The following CACNA2D1 variants were observed in gnomAD, a reference collection of about 807,000 sequenced individuals.
CACNA2D1 encodes the protein calcium voltage-gated channel auxiliary subunit alpha2delta 1, also known as voltage-dependent calcium channel subunit alpha-2/delta-1.
A neutral mutation model predicts 171.5 loss-of-function variants in CACNA2D1; 53 were observed. That is an observed-to-expected ratio of 0.31 (90% CI 0.25 to 0.39). The LOEUF (loss-of-function observed/expected upper bound fraction) is 0.39. Among genes scored for constraint, CACNA2D1 ranks in the 10% least tolerant of loss-of-function variants. The probability of loss-of-function intolerance (pLI) is 1.00; values close to 1 mark genes in which losing one functional copy is unlikely to be tolerated. For synonymous variants in CACNA2D1, 442 were observed against 443.1 expected (o/e 1.00, Z 0.03); for missense variants, 903 against 1,299.8 (o/e 0.69, Z 4.69).
At chr7:82,144,888 C>T (rs17155920) in intron 4 of CACNA2D1, among the ~76,000 whole-genome samples, 27,061 of 151,668 alleles carry the variant, frequency 0.18, 3,030 homozygotes, top group East Asian at 0.4. Flanking sequence ...ATTTTGCTAG[C>T]GTGGTTCAAT....
intron 9 of CACNA2D1, among the ~76,000 whole-genome samples, chr7:82,063,572 T>TTC (rs1554384762): frequency 6.6e-6 from 1 of 151,538 alleles, no homozygotes; most frequent in African/African-American, 2.4e-5. Flanking sequence ...TTTTTTTTTT[T>TTC]CCTCAGGGAA....
intron 4 of CACNA2D1, among the ~76,000 whole-genome samples, chr7:82,146,934 G>C (rs1012445986): frequency 2.4e-5 from 3 of 127,592 alleles, no homozygotes; most frequent in African/African-American, 5.9e-5. Context: ...GCAGTGAGCC[G>C]AGTCAGCACC....
At chr7:82,335,067 G>T in intron 3 of CACNA2D1, 68 bp downstream of exon 3, 1 of 1,007,434 alleles carries the variant, frequency 9.9e-7, no homozygotes, top group Non-Finnish European at 1.6e-6. Flanking sequence ...CCCCTCAATA[G>T]AGCATGAAAA....
At chr7:82,346,266 A>C (rs1396196188) in intron 2 of CACNA2D1, among the ~76,000 whole-genome samples, 1 of 152,184 alleles carries the variant, frequency 6.6e-6, no homozygotes, top group Non-Finnish European at 1.5e-5. Context: ...TATCTTTGTC[A>C]TACTGGCCCA....
intron 3 of CACNA2D1, among the ~76,000 whole-genome samples, chr7:82,262,456 G>T (rs1400744733): frequency 6.6e-6 from 1 of 152,122 alleles, no homozygotes; most frequent in East Asian, 1.9e-4. Context: ...GATAAACAGA[G>T]AAAGCTTTAG....
chr7:82,165,475 T>C (rs1406057881), intron 4 of CACNA2D1, among the ~76,000 whole-genome samples: 1 of 152,082 alleles, frequency 6.6e-6, no homozygotes, highest in Non-Finnish European at 1.5e-5. Flanking sequence ...ATATTTTGCT[T>C]CTTTTCAATA....
chr7:82,064,278 T>C (rs754161542), intron 9 of CACNA2D1, 26 bp downstream of exon 9: 2 of 1,475,422 alleles, frequency 1.4e-6, no homozygotes, highest in Admixed American at 3.4e-5. Context: ...TCTCAATATA[T>C]AAATAAGTAG....
chr7:81,950,660 C>T, intron 38 of CACNA2D1, 152 bp from the exon 39 acceptor site: 1 of 1,163,512 alleles, frequency 8.6e-7, no homozygotes, highest in East Asian at 2.6e-5. Flanking sequence ...AAAGAAATTA[C>T]TTTCTCCTAG....
At chr7:82,088,478 CAA>C (rs2129015725) in intron 6 of CACNA2D1, among the ~76,000 whole-genome samples, 1 of 152,174 alleles carries the variant, frequency 6.6e-6, no homozygotes, top group South Asian at 2.1e-4. Flanking sequence ...CAAAATTCAA[CAA>C]AAAGTTTCAT....
intron 3 of CACNA2D1, among the ~76,000 whole-genome samples, chr7:82,282,480 C>T (rs1056253576): frequency 6.6e-6 from 1 of 152,046 alleles, no homozygotes; most frequent in Non-Finnish European, 1.5e-5. Flanking sequence ...CATGGGTTGA[C>T]CCCTTTGAGA....
chr7:82,349,031 A>T (rs1262224752), intron 2 of CACNA2D1, among the ~76,000 whole-genome samples: 1 of 152,194 alleles, frequency 6.6e-6, no homozygotes, highest in Non-Finnish European at 1.5e-5. Context: ...TTCATAAGTC[A>T]CAAGAAAAAT....
chr7:81,995,403 C>A (rs960325151), intron 19 of CACNA2D1, among the ~76,000 whole-genome samples: 1 of 151,692 alleles, frequency 6.6e-6, no homozygotes, highest in African/African-American at 2.4e-5. Context: ...ATCTGGGTAC[C>A]AAAAAAATCT....
At chr7:82,044,580 T>G (rs1804333007) in intron 10 of CACNA2D1, among the ~76,000 whole-genome samples, 1 of 152,232 alleles carries the variant, frequency 6.6e-6, no homozygotes, top group South Asian at 2.1e-4. Flanking sequence ...CACAACAAAT[T>G]TATATTTTGT....
At chr7:82,013,822 G>T (rs958659193) in intron 13 of CACNA2D1, among the ~76,000 whole-genome samples, 1 of 151,608 alleles carries the variant, frequency 6.6e-6, no homozygotes, top group Non-Finnish European at 1.5e-5. Context: ...ATGCATGATG[G>T]ATAATTATTA....
chr7:82,433,044 C>T (rs754253814), intron 1 of CACNA2D1, among the ~76,000 whole-genome samples: 4 of 151,908 alleles, frequency 2.6e-5, no homozygotes, highest in Non-Finnish European at 5.9e-5. Flanking sequence ...AAAAGTTAGC[C>T]GGGTGTGGTG....
At chr7:82,050,751 A>G (rs1420661753) in intron 10 of CACNA2D1, 6 of 654,586 alleles carry the variant, frequency 9.2e-6, no homozygotes, top group Non-Finnish European at 1.7e-5. Context: ...CTAAATAACA[A>G]TAATCATCAT....
chr7:81,963,743 T>C (rs1794411415), intron 34 of CACNA2D1, among the ~76,000 whole-genome samples: 1 of 151,914 alleles, frequency 6.6e-6, no homozygotes, highest in Non-Finnish European at 1.5e-5. Flanking sequence ...AAGAAATTAG[T>C]GTAATGTTTT....
chr7:82,268,099 T>C (rs1037811226), intron 3 of CACNA2D1, among the ~76,000 whole-genome samples: 2 of 152,212 alleles, frequency 1.3e-5, no homozygotes, highest in African/African-American at 4.8e-5. Context: ...TTTTGGTAAA[T>C]TAAGTTACTT....
At chr7:82,333,939 C>G (rs1817683888) in intron 3 of CACNA2D1, among the ~76,000 whole-genome samples, 1 of 152,004 alleles carries the variant, frequency 6.6e-6, no homozygotes, top group African/African-American at 2.4e-5. Flanking sequence ...CTCTACAATA[C>G]TAATAATTAA....
Sources: gnomAD v4.1 joint callset for allele counts (sites outside exome capture counted in the v4.1 genomes callset) on GRCh38, gnomAD v4.1.1 for gene constraint, MANE v1.5 for transcripts, NCBI Gene and HGNC (gene_info 2026-07-23, HGNC 2026-07-21) for gene names.